EDIL3: variants seen among roughly 807,000 people sequenced by gnomAD.
EDIL3 encodes EGF like and discoidin domains 3.
A neutral mutation model predicts 67.4 loss-of-function variants in EDIL3; 37 were observed. The ratio of observed to expected loss-of-function variants is 0.55; its 90% CI spans 0.42 to 0.72. The LOEUF is 0.72. Ranked by LOEUF, EDIL3 falls within the 30% of genes least tolerant of loss-of-function variation. The probability of loss-of-function intolerance (pLI) is 0.00; values close to 1 mark genes in which losing one functional copy is unlikely to be tolerated. For synonymous variants in EDIL3, 195 were observed against 196.3 expected (o/e 0.99, Z 0.05); for missense variants, 527 against 586.3 (o/e 0.90, Z 1.04).
At chr5:84,257,943 T>C (rs748905462) in intron 1 of EDIL3, among the ~76,000 whole-genome samples, 4 of 152,166 alleles carry the variant, frequency 2.6e-5, no homozygotes, top group African/African-American at 9.7e-5. Flanking sequence ...GCTTGGCCCA[T>C]TGTAGCCCGG....
chr5:84,112,296 C>T (rs889047261), intron 5 of EDIL3, among the ~76,000 whole-genome samples: 1 of 151,938 alleles, frequency 6.6e-6, no homozygotes, highest in Non-Finnish European at 1.5e-5. Flanking sequence ...AAAAATAATG[C>T]AGATCTGAAA....
chr5:84,372,284 CATT>C (rs1747870631), intron 1 of EDIL3, among the ~76,000 whole-genome samples: 1 of 151,920 alleles, frequency 6.6e-6, no homozygotes, highest in Admixed American at 6.6e-5. Context: ...AAAAAAGAAA[CATT>C]ATGGTTTACA....
At chr5:84,088,060 T>G (rs1230252138) in intron 6 of EDIL3, among the ~76,000 whole-genome samples, 1 of 152,184 alleles carries the variant, frequency 6.6e-6, no homozygotes, top group African/African-American at 2.4e-5. Flanking sequence ...AAATAGCTTT[T>G]TCTCTCTGAA....
At chr5:84,060,536 C>G (rs1457278685) in intron 8 of EDIL3, 52 bp from the exon 9 acceptor site, 2 of 1,594,594 alleles carry the variant, frequency 1.3e-6, no homozygotes, top group Admixed American at 1.8e-5. Context: ...TCACCTGGAA[C>G]TTTTCTGCAT....
intron 4 of EDIL3, among the ~76,000 whole-genome samples, chr5:84,159,711 T>A (rs1748570592): frequency 6.6e-6 from 1 of 152,030 alleles, no homozygotes; most frequent in Admixed American, 6.6e-5. Context: ...GAGATATGGT[T>A]ACAATAAACA....
chr5:84,184,655 G>T (rs534787631), intron 3 of EDIL3, among the ~76,000 whole-genome samples: 1 of 152,252 alleles, frequency 6.6e-6, no homozygotes, highest in East Asian at 1.9e-4. Context: ...TGCATGTGAT[G>T]CCCAAGAGAT....
intron 5 of EDIL3, among the ~76,000 whole-genome samples, chr5:84,110,199 C>T (rs961649605): frequency 6.6e-6 from 1 of 152,064 alleles, no homozygotes; most frequent in Non-Finnish European, 1.5e-5. Context: ...ATAAGCAAAT[C>T]CAAGCCTTAG....
chr5:84,287,183 C>T (rs1383835764), intron 1 of EDIL3, among the ~76,000 whole-genome samples: 1 of 152,062 alleles, frequency 6.6e-6, no homozygotes, highest in Non-Finnish European at 1.5e-5. Context: ...TGTATTTATC[C>T]ACTTGCCTTA....
intron 3 of EDIL3, among the ~76,000 whole-genome samples, chr5:84,202,202 T>C (rs931296133): frequency 6.6e-6 from 1 of 152,136 alleles, no homozygotes; most frequent in African/African-American, 2.4e-5. Flanking sequence ...TTTATCATGT[T>C]TTCTTCCCAC....
At chr5:84,261,744 A>T (rs1210763788) in intron 1 of EDIL3, among the ~76,000 whole-genome samples, 1 of 152,208 alleles carries the variant, frequency 6.6e-6, no homozygotes, top group Non-Finnish European at 1.5e-5. Flanking sequence ...CACAGAAGAC[A>T]AAAATCAAAT....
At chr5:84,288,705 A>C (rs566304892) in intron 1 of EDIL3, among the ~76,000 whole-genome samples, 1 of 152,250 alleles carries the variant, frequency 6.6e-6, no homozygotes, top group African/African-American at 2.4e-5. Context: ...TTATCTTCTC[A>C]GAAAGCTTTC....
At chr5:84,229,734 T>C (rs973541177) in intron 3 of EDIL3, 121 bp downstream of exon 3, 1 of 1,006,258 alleles carries the variant, frequency 9.9e-7, no homozygotes, top group African/African-American at 1.6e-5. Flanking sequence ...AGTAAATAAA[T>C]AAACAAACCT....
chr5:84,351,994 T>G (rs942462313), intron 1 of EDIL3, among the ~76,000 whole-genome samples: 2 of 151,926 alleles, frequency 1.3e-5, no homozygotes, highest in Non-Finnish European at 2.9e-5. Context: ...CAGGCATATC[T>G]AAAAAGAAAA....
At chr5:84,337,251 A>T (rs982592716) in intron 1 of EDIL3, among the ~76,000 whole-genome samples, 1 of 152,200 alleles carries the variant, frequency 6.6e-6, no homozygotes, top group African/African-American at 2.4e-5. Flanking sequence ...TACAAAGCCA[A>T]ATCTTGAGGT....
chr5:84,053,970 C>T (rs1215485454), intron 9 of EDIL3, among the ~76,000 whole-genome samples: 1 of 152,162 alleles, frequency 6.6e-6, no homozygotes, highest in Admixed American at 6.5e-5. Context: ...AGGCCAGCAT[C>T]ATCCTGATAC....
rs563019693 is a variant in EDIL3, at chr5:84,171,952, A to T, written c.355+8441T>A. ...TTCCAGACCCATTTGCATCACTTTCATTGGGGTCCTTATTAAATAATCAGA... is the reference window on the plus strand; with the variant it reads ...TTCCAGACCCATTTGCATCACTTTCTTTGGGGTCCTTATTAAATAATCAGA... On this transcript the variant is annotated intron_variant, in intron 4 of 10. Coordinates refer to ENST00000296591, the MANE Select transcript of EDIL3 (RefSeq NM_005711.5). Among the ~76,000 whole-genome samples the T allele has an allele frequency of 4.6e-5, 7 of 152,256 alleles. No homozygotes were observed. In the South Asian group the frequency reaches 1.2e-3, roughly 27 times the overall value.
intron 1 of EDIL3, among the ~76,000 whole-genome samples, chr5:84,276,736 A>AT (rs541854332): frequency 1.0e-4 from 15 of 147,752 alleles, no homozygotes; most frequent in Admixed American, 3.4e-4. Flanking sequence ...GCTCGGCTAA[A>AT]TTTTTTTTTT....
At chr5:84,367,193 C>T (rs1387017823) in intron 1 of EDIL3, among the ~76,000 whole-genome samples, 1 of 152,072 alleles carries the variant, frequency 6.6e-6, no homozygotes, top group Non-Finnish European at 1.5e-5. Context: ...ATTTCTTATA[C>T]TCTTAAATAT....
chr5:84,205,768 T>TAC (rs1743962376), intron 3 of EDIL3, among the ~76,000 whole-genome samples: 1 of 151,812 alleles, frequency 6.6e-6, no homozygotes, highest in South Asian at 2.1e-4. Context: ...ATCACCTTTA[T>TAC]CATTTTTTAT....
Sources: gnomAD v4.1 joint callset for allele counts (sites outside exome capture counted in the v4.1 genomes callset) on GRCh38, gnomAD v4.1.1 for gene constraint, MANE v1.5 for transcripts, NCBI Gene and HGNC (gene_info 2026-07-23, HGNC 2026-07-21) for gene names.